CRACR2A: variants seen among roughly 807,000 people sequenced by gnomAD.
The protein encoded by CRACR2A is EF-hand calcium-binding domain-containing protein 4B.
A neutral mutation model predicts 90.5 loss-of-function variants in CRACR2A; 79 were observed. The observed-to-expected ratio is 0.87, with a 90% CI of 0.73 to 1.05. The LOEUF (loss-of-function observed/expected upper bound fraction) is 1.05, where lower values mean the gene tolerates loss of function less well. Ranked by LOEUF, CRACR2A falls within the 50% of genes least tolerant of loss-of-function variation. The pLI, the probability that CRACR2A is intolerant of heterozygous loss-of-function variation, is 0.00. For missense variants in CRACR2A, 823 were observed against 897.2 expected (o/e 0.92, Z 1.06); for synonymous variants, 338 against 356.7 (o/e 0.95, Z 0.59).
intron 11 of CRACR2A, among the ~76,000 whole-genome samples, chr12:3,645,662 G>A (rs1326919220): frequency 3.3e-5 from 5 of 152,186 alleles, no homozygotes; most frequent in Admixed American, 1.3e-4. Flanking sequence ...GAGGTCATTG[G>A]CAACCTGGGT....
Position 3,733,908 on chromosome 12 carries a change from C to T in CRACR2A, c.-386-698G>A, listed in dbSNP as rs1284630361. ...ACACACACACACACACACACACACA[C>T]ACACTTTTCTCTCCACCTTTTCTTG... is the stretch of plus-strand genomic sequence containing the variant. On this transcript the variant is annotated intron_variant, in intron 1 of 19. Transcript: ENST00000440314. Among the ~76,000 whole-genome samples the T allele has an allele frequency of 1.2e-4, 18 of 144,182 alleles. No homozygotes were observed. The Admixed American group carries it at 1.3e-3, about 10-fold the overall frequency. The allele number at this position is 144,182 out of a possible 152,430, so 94.6% of individuals were successfully genotyped here.
chr12:3,617,062 T>A, intron 18 of CRACR2A, 32 bp from the exon 19 acceptor site: 1 of 1,511,240 alleles, frequency 6.6e-7, no homozygotes, highest in South Asian at 1.2e-5. Context: ...AATACAAGAG[T>A]ATTGGAGTGA....
intron 4 of CRACR2A, among the ~76,000 whole-genome samples, chr12:3,685,462 T>C (rs1436918170): frequency 1.3e-5 from 2 of 152,224 alleles, no homozygotes; most frequent in African/African-American, 2.4e-5. Context: ...TATTCACATA[T>C]AGCCAACAGG....
chr12:3,638,079 A>G (rs1265089030), intron 14 of CRACR2A, 45 bp downstream of exon 14: 70 of 1,486,224 alleles, frequency 4.7e-5, no homozygotes, highest in Non-Finnish European at 5.9e-5. Context: ...CAAGAGACAG[A>G]TCATAGAAGT....
rs1945883616 is a variant in CRACR2A, at chr12:3,704,429, TCTG to T, written c.-36-7397_-36-7395del. 2.0e-5 allele frequency among the ~76,000 whole-genome samples: 3 copies of T among 152,186 alleles called. No individual in the cohort carries two copies. The South Asian group carries it at 6.2e-4, about 31-fold the overall frequency. On this transcript the variant is annotated intron_variant, in intron 3 of 19. Transcript: ENST00000440314. Reference sequence around the variant, plus strand: ...GGAAATTTTGGGGGGTGTGGATATGTCTGCTACCTTAAGTTCATGAATATGATA... The same window carrying T: ...GGAAATTTTGGGGGGTGTGGATATGTCTACCTTAAGTTCATGAATATGATA...
chr12:3,752,285 C>T (rs1565514092), intron 1 of CRACR2A, among the ~76,000 whole-genome samples: 1 of 152,116 alleles, frequency 6.6e-6, no homozygotes, highest in Non-Finnish European at 1.5e-5. Flanking sequence ...AGGGTACATT[C>T]GCTGCATCCC....
intron 6 of CRACR2A, 99 bp downstream of exon 6, chr12:3,678,816 C>T (rs1226866721): frequency 2.2e-6 from 3 of 1,359,842 alleles, no homozygotes; most frequent in Non-Finnish European, 3.0e-6. Context: ...AGTGCAGGGA[C>T]CAGCACCACA....
chr12:3,660,627 T>C (rs1358033842), intron 7 of CRACR2A, among the ~76,000 whole-genome samples: 2 of 152,088 alleles, frequency 1.3e-5, no homozygotes, highest in Non-Finnish European at 2.9e-5. Context: ...GATCTGGTAG[T>C]AGCATTGGAA....
chr12:3,697,803 G>A (rs1424279682), intron 3 of CRACR2A, among the ~76,000 whole-genome samples: 1 of 152,202 alleles, frequency 6.6e-6, no homozygotes, highest in African/African-American at 2.4e-5. Flanking sequence ...GGACTTGCCA[G>A]GCCTGGTTTG....
intron 8 of CRACR2A, 39 bp from the exon 9 acceptor site, chr12:3,656,445 T>C (rs1296563161): frequency 6.3e-7 from 1 of 1,594,478 alleles, no homozygotes; most frequent in Admixed American, 1.7e-5. Flanking sequence ...GACCCAAATG[T>C]AGCACACCCG....
At chr12:3,738,188 T>A (rs1946474701) in intron 1 of CRACR2A, among the ~76,000 whole-genome samples, 1 of 152,262 alleles carries the variant, frequency 6.6e-6, no homozygotes, top group African/African-American at 2.4e-5. Flanking sequence ...TTTTCATCAT[T>A]ATGGCAGGCT....
At chr12:3,635,369 C>A (rs1263461970) in intron 14 of CRACR2A, among the ~76,000 whole-genome samples, 1 of 152,100 alleles carries the variant, frequency 6.6e-6, no homozygotes, top group African/African-American at 2.4e-5. Context: ...TCCCTTCATG[C>A]TTTTTAATTT....
chr12:3,675,437 C>G (rs969357502), intron 6 of CRACR2A, among the ~76,000 whole-genome samples: 1 of 152,094 alleles, frequency 6.6e-6, no homozygotes, highest in Non-Finnish European at 1.5e-5. Context: ...GTAGGTGAGG[C>G]CTTTGAGAGG....
intron 14 of CRACR2A, among the ~76,000 whole-genome samples, chr12:3,635,205 C>T (rs1431140205): frequency 1.3e-5 from 2 of 152,138 alleles, no homozygotes; most frequent in African/African-American, 4.8e-5. Context: ...CTCACAGGGG[C>T]AGCAAACTCT....
chr12:3,718,952 G>A (rs1946117071), intron 2 of CRACR2A, among the ~76,000 whole-genome samples: 1 of 152,186 alleles, frequency 6.6e-6, no homozygotes, highest in Non-Finnish European at 1.5e-5. Context: ...GACTCCTTGA[G>A]TTAGGGTTGA....
chr12:3,681,586 T>C (rs1470592658), intron 4 of CRACR2A, among the ~76,000 whole-genome samples: 2 of 152,246 alleles, frequency 1.3e-5, no homozygotes, highest in Non-Finnish European at 2.9e-5. Flanking sequence ...CAGAGAGTTA[T>C]ATCTCAGCCG....
chr12:3,737,299 T>C (rs1380299587), intron 1 of CRACR2A, among the ~76,000 whole-genome samples: 1 of 151,852 alleles, frequency 6.6e-6, no homozygotes, highest in Non-Finnish European at 1.5e-5. Context: ...GTTCAAGAAA[T>C]GGAAGGAAAC....
intron 10 of CRACR2A, among the ~76,000 whole-genome samples, chr12:3,653,237 T>C (rs1439375241): frequency 8.4e-6 from 1 of 118,592 alleles, no homozygotes; most frequent in African/African-American, 3.2e-5. Context: ...CACCTTGGCC[T>C]CCCAAAGTGC....
Position 3,690,559 on chromosome 12 carries a change from G to A in CRACR2A, c.228+6213C>T, listed in dbSNP as rs553522413. Among the ~76,000 whole-genome samples, 6 of 152,290 alleles carry A rather than the reference G, an allele frequency of 3.9e-5. No individual in the cohort carries two copies. In the South Asian group the frequency reaches 1.2e-3, roughly 32 times the overall value. Reference sequence around the variant, plus strand: ...TGATTTCAGTTCTTTTGTATTTGCTGAGGAGTGTTTTATGTCCAATTATGT... The same window carrying A: ...TGATTTCAGTTCTTTTGTATTTGCTAAGGAGTGTTTTATGTCCAATTATGT... On this transcript the variant is annotated intron_variant, in intron 4 of 19. Coordinates refer to ENST00000440314, the MANE Select transcript of CRACR2A (RefSeq NM_001144958.2).
Sources: gnomAD v4.1 joint callset for allele counts (sites outside exome capture counted in the v4.1 genomes callset) on GRCh38, gnomAD v4.1.1 for gene constraint, MANE v1.5 for transcripts, NCBI Gene and HGNC (gene_info 2026-07-23, HGNC 2026-07-21) for gene names.